The following ACBD5 variants were observed in gnomAD, a reference collection of about 807,000 sequenced individuals.
ACBD5 encodes acyl-CoA binding domain containing 5.
ACBD5 carries 40 observed loss-of-function variants against 71.8 expected under a neutral mutation model. That is an observed-to-expected ratio of 0.56 (90% CI 0.43 to 0.72). ACBD5 has a LOEUF of 0.72. Among genes scored for constraint, ACBD5 ranks in the 30% least tolerant of loss-of-function variants. The probability of loss-of-function intolerance (pLI) is 0.00; values close to 1 mark genes in which losing one functional copy is unlikely to be tolerated. For missense variants in ACBD5, 559 were observed against 644.5 expected (o/e 0.87, Z 1.44); for synonymous variants, 229 against 218.6 (o/e 1.05, Z -0.42).
intron 5 of ACBD5, among the ~76,000 whole-genome samples, chr10:27,220,736 A>C (rs754611887): frequency 3.3e-5 from 5 of 152,222 alleles, no homozygotes; most frequent in Non-Finnish European, 7.3e-5. Flanking sequence ...AGATTAGCCA[A>C]AACAATCTTG....
chr10:27,189,976 A>C (rs1588877397), intron 13 of ACBD5, among the ~76,000 whole-genome samples: 1 of 150,398 alleles, frequency 6.6e-6, no homozygotes, highest in South Asian at 2.1e-4. Flanking sequence ...CACTTATCTA[A>C]AAAAATAAAA....
At chr10:27,238,004 G>A (rs1266584772) in intron 2 of ACBD5, among the ~76,000 whole-genome samples, 2 of 151,456 alleles carry the variant, frequency 1.3e-5, no homozygotes, top group East Asian at 3.9e-4. Flanking sequence ...CCCAGGCTGG[G>A]GTGTGATCTA....
At chr10:27,227,848 G>C (rs955626152) in intron 4 of ACBD5, among the ~76,000 whole-genome samples, 3 of 151,990 alleles carry the variant, frequency 2.0e-5, no homozygotes, top group African/African-American at 7.3e-5. Flanking sequence ...TAGTAGCTGA[G>C]ATTACAAGCG....
At chr10:27,200,335 T>A (rs2059789601) in intron 12 of ACBD5, among the ~76,000 whole-genome samples, 1 of 152,274 alleles carries the variant, frequency 6.6e-6, no homozygotes, top group African/African-American at 2.4e-5. Context: ...CGTCAGGAAG[T>A]TACCCTATAT....
chr10:27,210,881 G>C lies in ACBD5; in HGVS notation c.1137C>G (p.Ser379Arg). ...CTCGCTTCTCCCGGTGTGGTGCTCC[G>C]CTGTTATTCCTGCCATCTTCTCCTC... ...KHGGEDGRNNSGAPHREKRGG... is the reference protein window; with the variant it reads ...KHGGEDGRNNRGAPHREKRGG... The change falls in exon 9 of 13, where the codon AGC becomes AGG. Residue 379 changes from serine (S) to arginine (R), a missense_variant. By Grantham distance (110) the Ser-to-Arg change is moderately radical (BLOSUM62 -1). Transcript: ENST00000396271. 6.2e-7 allele frequency: 1 copy of C among 1,614,148 alleles called. No homozygotes were observed. Among genetic ancestry groups the C allele is most frequent in the South Asian group, 1.1e-5 (1 of 91,084 alleles).
rs533459154 is a variant in ACBD5 at position 27,213,751 on chromosome 10, C to T, written c.936+1784G>A. Among the ~76,000 whole-genome samples, 4 of 107,878 alleles carry T rather than the reference C, an allele frequency of 3.7e-5. No homozygotes were observed. In the South Asian group the frequency reaches 1.2e-3, roughly 32 times the overall value. The allele number at this position is 107,878 out of a possible 152,430, so 70.8% of individuals were successfully genotyped here. The stretch of plus-strand genomic sequence containing the variant: ...TAGCCTGGGCAACAAGAGGGAAACT[C>T]CGCCTCAGAAAAAAAAAAAAGTACC... On this transcript the variant is annotated intron_variant, in intron 8 of 12. Coordinates refer to ENST00000396271, the MANE Select transcript of ACBD5 (RefSeq NM_145698.5).
At chr10:27,208,496 A>G in intron 9 of ACBD5, 51 bp from the exon 10 acceptor site, 1 of 1,585,902 alleles carries the variant, frequency 6.3e-7, no homozygotes, top group South Asian at 1.1e-5. Context: ...TTATACAAGT[A>G]AAACTGTGTT....
rs767495404 is a variant in ACBD5, at chr10:27,231,848, CAA to C, written c.303-30_303-29del. On this transcript the variant is annotated intron_variant, in intron 3 of 12. Coordinates refer to ENST00000396271, the MANE Select transcript of ACBD5 (RefSeq NM_145698.5). ...AGAAATGAAAGTATCCACAAAATGA[CAA>C]AGAGACATCTGATTTTAATTGCTCA... 2.1e-5 allele frequency: 34 copies of C among 1,597,004 alleles called. No homozygotes were observed. In the East Asian group the frequency reaches 6.9e-4, roughly 33 times the overall value.
At position 27,197,775 on chromosome 10, in the gene ACBD5, T is replaced by C. The variant is rs901851029; in HGVS notation, c.1566-333A>G. Among the ~76,000 whole-genome samples the C allele has an allele frequency of 4.6e-5, 7 of 152,102 alleles. No homozygotes were observed. The South Asian group carries it at 8.3e-4, about 18-fold the overall frequency. ...GATTCTCCTGCCTCAGCCTTGCAAG[T>C]AGCTGGCATTACAGGTGTGTGCCAC... On this transcript the variant is annotated intron_variant, in intron 12 of 12. Coordinates refer to ENST00000396271, the MANE Select transcript of ACBD5 (RefSeq NM_145698.5).
chr10:27,186,292 AG>A, intron 13 of ACBD5: 1 of 1,309,390 alleles, frequency 7.6e-7, no homozygotes, highest in Non-Finnish European at 1.1e-6. Flanking sequence ...GTTATATGTG[AG>A]ACATTCTCTT....
intron 4 of ACBD5, among the ~76,000 whole-genome samples, chr10:27,228,178 C>T (rs559063492): frequency 1.3e-5 from 2 of 151,512 alleles, no homozygotes; most frequent in African/African-American, 4.8e-5. Flanking sequence ...GTTTAGTACA[C>T]CCATCTCTTT....
At chr10:27,200,916 T>C (rs907793347) in intron 12 of ACBD5, among the ~76,000 whole-genome samples, 12 of 152,160 alleles carry the variant, frequency 7.9e-5, no homozygotes, top group African/African-American at 2.7e-4. Context: ...CTCAGTCCTG[T>C]AATCCCAGTA....
Position 27,200,563 on chromosome 10 carries a change from ACCTCCCGAGTAGCTGGGATTACAGGTG to A in ACBD5, c.1566-3148_1566-3122del, listed in dbSNP as rs1262782612. The stretch of plus-strand genomic sequence containing the variant: ...GGGTTCAAGCAATTCCCCTGCCTCA[ACCTCCCGAGTAGCTGGGATTACAGGTG>A]CCTCCCGAGTAGCTGGGATTACCAC... On this transcript the variant is annotated intron_variant, in intron 12 of 12. Transcript: ENST00000396271. Among the ~76,000 whole-genome samples, 135 of 151,280 alleles carry A rather than the reference ACCTCCCGAGTAGCTGGGATTACAGGTG, an allele frequency of 8.9e-4. No individual in the cohort carries two copies. The Middle Eastern group carries it at 0.02, about 23-fold the overall frequency.
chr10:27,240,376 C>G lies in ACBD5; in HGVS notation c.124G>C (p.Val42Leu). ...WQLEMADTRS[V>L]HETRFEAAVK... is the part of the protein sequence containing the mutation. ...GCCGCCTCAAACCTAGTCTCGTGCA[C>G]GGATCTCGTGTCCGCCATCTCCAGC... The change falls in exon 2 of 13, where the codon GTG becomes CTG. Residue 42 changes from valine (V) to leucine (L), a missense_variant. Transcript: ENST00000396271. This position sits in a 1 kb window ranked among gnomAD's most constrained non-coding sequence, Gnocchi z 4.1. 6.2e-7 allele frequency: 1 copy of G among 1,614,080 alleles called. No individual in the cohort carries two copies. Among genetic ancestry groups the G allele is most frequent in the Non-Finnish European group, 8.5e-7 (1 of 1,180,030 alleles).
chr10:27,232,946 T>C (rs2064092293), intron 3 of ACBD5, among the ~76,000 whole-genome samples: 1 of 152,260 alleles, frequency 6.6e-6, no homozygotes, highest in Middle Eastern at 3.4e-3. Context: ...TAATATTTAA[T>C]ACTACTAAAA....
At chr10:27,194,052 A>C (rs2059195354), downstream of ACBD5, among the ~76,000 whole-genome samples, 1 of 151,786 alleles carries the variant, frequency 6.6e-6, no homozygotes, top group Non-Finnish European at 1.5e-5. Flanking sequence ...GGAGTTCAAG[A>C]CCAGACTGAC....
chr10:27,218,231 C>A (rs774176059), intron 6 of ACBD5, 48 bp from the exon 7 acceptor site: 1 of 1,386,920 alleles, frequency 7.2e-7, no homozygotes, highest in Non-Finnish European at 1.0e-6. Flanking sequence ...CAGTAGGTCA[C>A]CTTCTGCATA....
intron 10 of ACBD5, among the ~76,000 whole-genome samples, chr10:27,207,796 G>A (rs944032074): frequency 6.6e-6 from 1 of 152,122 alleles, no homozygotes; most frequent in African/African-American, 2.4e-5. Flanking sequence ...GTGTAGTAGT[G>A]TGATCTCGGC....
chr10:27,227,418 C>A (rs536514882), intron 4 of ACBD5, among the ~76,000 whole-genome samples: 11 of 152,278 alleles, frequency 7.2e-5, no homozygotes, highest in Admixed American at 4.6e-4. Context: ...CCATCCAAAT[C>A]CTAATGCTCT....
Sources: gnomAD v4.1 joint callset for allele counts (sites outside exome capture counted in the v4.1 genomes callset) on GRCh38, gnomAD v4.1.1 for gene constraint, Gnocchi (gnomAD v3.1) non-coding constraint, MANE v1.5 for transcripts, NCBI Gene and HGNC (gene_info 2026-07-23, HGNC 2026-07-21) for gene names.